Variants in MLIP observed in about 807,000 individuals in gnomAD.
The protein encoded by MLIP is muscular LMNA-interacting protein.
Under a neutral mutation model 84.8 loss-of-function variants are expected in MLIP, and 79 were observed. That is an observed-to-expected ratio of 0.93 (90% CI 0.78 to 1.12). The LOEUF is 1.12. Ranked by LOEUF, MLIP falls within the 50% of genes most tolerant of loss-of-function variation. The pLI is 0.00. For missense variants in MLIP, 1,257 were observed against 1,160.6 expected (o/e 1.08, Z -1.21); for synonymous variants, 504 against 463.0 (o/e 1.09, Z -1.14).
At chr6:54,126,375 G>A (rs1257832202) in intron 3 of MLIP, among the ~76,000 whole-genome samples, 1 of 151,822 alleles carries the variant, frequency 6.6e-6, no homozygotes, top group Non-Finnish European at 1.5e-5. Context: ...GACTGAATAT[G>A]TCCTTTAAAA....
At chr6:54,226,288 G>T (rs1360452395) in intron 11 of MLIP, among the ~76,000 whole-genome samples, 7 of 152,166 alleles carry the variant, frequency 4.6e-5, no homozygotes, top group Admixed American at 1.3e-4. Flanking sequence ...GAAAACAGGG[G>T]ACTAAGTGAT....
intron 4 of MLIP, among the ~76,000 whole-genome samples, chr6:54,147,307 G>A (rs1413373702): frequency 6.6e-6 from 1 of 152,172 alleles, no homozygotes; most frequent in Non-Finnish European, 1.5e-5. Context: ...CTAGTTATAG[G>A]ACTTCTGTAA....
intron 10 of MLIP, among the ~76,000 whole-genome samples, chr6:54,194,295 C>T (rs1331680706): frequency 6.6e-6 from 1 of 152,138 alleles, no homozygotes; most frequent in Non-Finnish European, 1.5e-5. Context: ...CCGATGTCTC[C>T]TTCAAGCTCA....
chr6:54,041,969 T>A (rs1322444789), intron 1 of MLIP, among the ~76,000 whole-genome samples: 45 of 152,118 alleles, frequency 3.0e-4, no homozygotes, highest in Non-Finnish European at 1.5e-5. Flanking sequence ...TACCACTTAG[T>A]GAGAACCACT....
At chr6:54,250,220 G>T (rs1031162487) in intron 12 of MLIP, among the ~76,000 whole-genome samples, 1 of 152,036 alleles carries the variant, frequency 6.6e-6, no homozygotes, top group Non-Finnish European at 1.5e-5. Context: ...ACAGATGCTG[G>T]CGAGGTCATG....
intron 1 of MLIP, among the ~76,000 whole-genome samples, chr6:54,053,580 A>G (rs2150320197): frequency 6.6e-6 from 1 of 152,356 alleles, no homozygotes; most frequent in South Asian, 2.1e-4. Flanking sequence ...TTAAAATGAA[A>G]GAAAGTAATG....
chr6:54,262,591 T>A (rs1025211211), intron 13 of MLIP, among the ~76,000 whole-genome samples: 3 of 151,992 alleles, frequency 2.0e-5, no homozygotes, highest in African/African-American at 7.2e-5. Context: ...AAAGTTAGAG[T>A]CTTATCCTCC....
At chr6:54,127,637 T>C (rs1771033644) in intron 3 of MLIP, among the ~76,000 whole-genome samples, 1 of 152,134 alleles carries the variant, frequency 6.6e-6, no homozygotes, top group Non-Finnish European at 1.5e-5. Flanking sequence ...GTAAAGCCCA[T>C]GTTAAATTCA....
At chr6:54,092,321 G>A (rs1345592871) in intron 1 of MLIP, among the ~76,000 whole-genome samples, 5 of 152,082 alleles carry the variant, frequency 3.3e-5, no homozygotes, top group Non-Finnish European at 7.4e-5. Context: ...TATTGGCCTA[G>A]CAATAGCATA....
At chr6:54,261,826 G>A in intron 13 of MLIP, 2 of 737,238 alleles carry the variant, frequency 2.7e-6, no homozygotes, top group Non-Finnish European at 3.3e-6. Flanking sequence ...TTCTTTTCAG[G>A]CAATTTTCCA....
chr6:54,200,220 C>T (rs188873366), intron 10 of MLIP, among the ~76,000 whole-genome samples: 1 of 152,294 alleles, frequency 6.6e-6, no homozygotes, highest in East Asian at 1.9e-4. Context: ...TAACCCCAAA[C>T]ATCTGCCTGC....
At chr6:54,126,439 G>T (rs933141393) in intron 3 of MLIP, among the ~76,000 whole-genome samples, 1 of 151,716 alleles carries the variant, frequency 6.6e-6, no homozygotes, top group African/African-American at 2.4e-5. Flanking sequence ...TGTTATTAGA[G>T]CTCTAAATAA....
At chr6:54,241,934 AATC>A (rs1781764738) in intron 12 of MLIP, among the ~76,000 whole-genome samples, 1 of 152,212 alleles carries the variant, frequency 6.6e-6, no homozygotes, top group South Asian at 2.1e-4. Context: ...GGCAAGGGAG[AATC>A]ATCTATTAGA....
intron 11 of MLIP, chr6:54,216,618 T>C (rs990220770): frequency 1.0e-6 from 1 of 970,918 alleles, no homozygotes; most frequent in Non-Finnish European, 1.2e-6. Flanking sequence ...TTTTTTTATA[T>C]AGAGGATTTC....
intron 1 of MLIP, among the ~76,000 whole-genome samples, chr6:54,054,891 CT>C (rs56830731): frequency 0.049 from 7,072 of 145,650 alleles, 471 homozygotes; most frequent in African/African-American, 0.16. Flanking sequence ...TCATCACTAT[CT>C]TTTTTTTTTT....
intron 13 of MLIP, 130 bp from the exon 14 acceptor site, chr6:54,265,820 C>T (rs921006998): frequency 3.9e-6 from 3 of 760,690 alleles, no homozygotes; most frequent in Middle Eastern, 3.8e-4. Flanking sequence ...TAAAAATAAG[C>T]TTTTCCTATT....
At chr6:54,112,540 C>T (rs1358857) in intron 1 of MLIP, among the ~76,000 whole-genome samples, 2,204 of 152,192 alleles carry the variant, frequency 0.014, 67 homozygotes, top group African/African-American at 0.051. Context: ...TGTATGTGGA[C>T]AGGAATTTAT....
Position 54,090,661 on chromosome 6 carries a change from A to G in MLIP, c.64-30786A>G, listed in dbSNP as rs201581538. On this transcript the variant is annotated intron_variant, in intron 1 of 12. Transcript: ENST00000274897. ...AAGTATTGTATCTGTGTGTGTGTGTATGTGTGTGTGTGTGTGTGTGTGTGA... is the reference window on the plus strand; with the variant it reads ...AAGTATTGTATCTGTGTGTGTGTGTGTGTGTGTGTGTGTGTGTGTGTGTGA... Among the ~76,000 whole-genome samples, 160 of 147,292 alleles carry G rather than the reference A, an allele frequency of 1.1e-3. 1 individual carries two copies. The highest frequency in any genetic ancestry group is 3.6e-3 in the Admixed American group (53 of 14,766).
rs1779925279 is a variant in MLIP, at chr6:54,217,383, T to TA, written c.2719-13328dup. Reference sequence around the variant, plus strand: ...TTGCAATGGAAACAGTTTTTGAAGTTAAACAGTATGATTTGATGGTTGAGT... The same window carrying TA: ...TTGCAATGGAAACAGTTTTTGAAGTTAAAACAGTATGATTTGATGGTTGAGT... On this transcript the variant is annotated intron_variant, in intron 11 of 13. Transcript: ENST00000502396. 9 of 985,440 alleles carry TA rather than the reference T, an allele frequency of 9.1e-6. No homozygotes were observed. The South Asian group carries it at 4.2e-4, about 46-fold the overall frequency. The allele number at this position is 985,440 out of a possible 1,614,324, so 61.0% of individuals were successfully genotyped here. A position where few individuals can be genotyped will look rare whatever the true frequency, so the allele number is the denominator to read the frequency against.
Sources: allele counts gnomAD v4.1 joint callset (sites outside exome capture counted in the v4.1 genomes callset), GRCh38; gene constraint gnomAD v4.1.1; transcripts MANE v1.5; gene names NCBI Gene and HGNC (gene_info 2026-07-23, HGNC 2026-07-21).